The following KEL variants were observed in gnomAD, a reference collection of about 807,000 sequenced individuals.
KEL encodes Kell metallo-endopeptidase (Kell blood group).
KEL carries 96 observed loss-of-function variants against 99.5 expected under a neutral mutation model. The observed-to-expected ratio is 0.97, with a 90% CI of 0.82 to 1.14. The LOEUF (loss-of-function observed/expected upper bound fraction) is 1.14, where lower values mean the gene tolerates loss of function less well. KEL is among the 50% of genes most tolerant of loss of function. The pLI is 0.00. For synonymous variants in KEL, 355 were observed against 354.8 expected, an observed-to-expected ratio of 1.00 and a Z score of -0.01; for missense variants, 926 against 924.2, an observed-to-expected ratio of 1.00 and a Z score of -0.03.
chr7:142,954,072 T>A, intron 8 of KEL, 112 bp downstream of exon 8: 1 of 1,414,582 alleles, frequency 7.1e-7, no homozygotes, highest in Non-Finnish European at 9.9e-7. Flanking sequence ...GGGGATGGAG[T>A]CAGAGACAGA....
chr7:142,962,212 T>G lies in KEL; in HGVS notation c.-6A>C. 1 of 1,614,162 alleles carries G rather than the reference T, an allele frequency of 6.2e-7. No homozygotes were observed. Among genetic ancestry groups the G allele is most frequent in the Non-Finnish European group, 8.5e-7 (1 of 1,180,014 alleles). On this transcript the variant is annotated 5_prime_UTR_variant, in exon 1 of 19. Coordinates refer to ENST00000355265, the MANE Select transcript of KEL (RefSeq NM_000420.3). ...TCCAAAAGGGGACTTACCATCTGTC[T>G]ATCTTCTGTGGCTCCAGAATCCTTC...
In KEL at chr7:142,943,890, A is replaced by T. The variant is rs752477185; in HGVS notation, c.1492-7T>A. On this transcript the variant is annotated splice_polypyrimidine_tract_variant and splice_region_variant and intron_variant, in intron 13 of 18. Coordinates refer to ENST00000355265, the MANE Select transcript of KEL (RefSeq NM_000420.3). ...AGCTCGATCCAAGCTGTATCTGGGG[A>T]AGAGGCAGGAGGTGACTTGGGCACA... 4.3e-6 allele frequency: 7 copies of T among 1,612,652 alleles called. No individual in the cohort carries two copies. In the Admixed American group the frequency reaches 1.0e-4, roughly 23 times the overall value.
chr7:142,944,529 A>G (rs953891658), intron 12 of KEL, 114 bp downstream of exon 12: 12 of 1,181,786 alleles, frequency 1.0e-5, no homozygotes, highest in East Asian at 2.3e-5. Flanking sequence ...TGGCTTCCCT[A>G]CTTAGCATGT....
intron 17 of KEL, 100 bp from the exon 18 acceptor site, chr7:142,942,629 G>A: frequency 1.1e-6 from 1 of 940,960 alleles, no homozygotes; most frequent in Non-Finnish European, 1.7e-6. Context: ...CTTGCTCACT[G>A]GTTCTGCACT....
chr7:142,952,895 A>G (rs1207327017), intron 9 of KEL, among the ~76,000 whole-genome samples: 1 of 152,196 alleles, frequency 6.6e-6, no homozygotes, highest in Non-Finnish European at 1.5e-5. Flanking sequence ...TCTGGGCTAG[A>G]TGGAGTCTGG....
chr7:142,954,423 C>T (rs1434996751), intron 7 of KEL, 42 bp downstream of exon 7: 3 of 1,612,366 alleles, frequency 1.9e-6, no homozygotes, highest in African/African-American at 2.7e-5. Flanking sequence ...TGCTTTTCTC[C>T]TGGCCTCAGA....
intron 10 of KEL, among the ~76,000 whole-genome samples, chr7:142,948,580 T>C (rs1209158016): frequency 2.6e-5 from 4 of 152,180 alleles, no homozygotes; most frequent in African/African-American, 9.7e-5. Context: ...GTGGAACGAA[T>C]CATTAAACAG....
At chr7:142,954,054 C>A in intron 8 of KEL, 98 bp from the exon 9 acceptor site, 2 of 1,458,418 alleles carry the variant, frequency 1.4e-6, no homozygotes, top group Non-Finnish European at 1.9e-6. Context: ...AACAGGCTAA[C>A]TGGGGGAGGG....
rs974853667 is a variant in KEL at position 142,961,880 on chromosome 7, G to C, written c.4-8C>G. On this transcript the variant is annotated splice_region_variant and splice_polypyrimidine_tract_variant and intron_variant, in intron 1 of 18. Coordinates refer to ENST00000355265, the MANE Select transcript of KEL (RefSeq NM_000420.3). Reference sequence around the variant, plus strand: ...ACTTTGGTCCCCACCTTCCTGAAGTGAGTGGAGGGAGAAGGAGGAGAGAGA... The same window carrying C: ...ACTTTGGTCCCCACCTTCCTGAAGTCAGTGGAGGGAGAAGGAGGAGAGAGA... The C allele has an allele frequency of 6.2e-7, 1 of 1,613,610 alleles. No homozygotes were observed. The highest frequency in any genetic ancestry group is 2.2e-5 in the East Asian group (1 of 44,882).
chr7:142,961,690 T>C (rs551118462), intron 2 of KEL, 105 bp downstream of exon 2: 1 of 1,284,360 alleles, frequency 7.8e-7, no homozygotes, highest in East Asian at 2.3e-5. Flanking sequence ...TCAACTGTTT[T>C]GGGTGAGGAT....
chr7:142,942,135 T>G, intron 18 of KEL: 4 of 469,948 alleles, frequency 8.5e-6, no homozygotes, highest in East Asian at 3.8e-5. Flanking sequence ...GGCATCTGTA[T>G]TTTGGGGGTA....
chr7:142,952,132 G>A (rs889504000), intron 10 of KEL, among the ~76,000 whole-genome samples: 32 of 152,224 alleles, frequency 2.1e-4, no homozygotes, highest in African/African-American at 6.5e-4. Context: ...AGGCCACTGC[G>A]TAACATATCT....
Position 142,942,881 on chromosome 7 carries a change from C to T in KEL, c.1935G>A (p.Ala645=), listed in dbSNP as rs766053821. 25 of 1,614,140 alleles carry T rather than the reference C, an allele frequency of 1.5e-5. No individual in the cohort carries two copies. The highest frequency in any genetic ancestry group is 6.6e-5 in the South Asian group (6 of 91,080). ...NAADVGGLAI[A]LQAYSKRLLR... is the part of the protein sequence containing the mutation. Reference sequence around the variant, plus strand: ...GCCCTTGACACTTGCATACCTGCAGCGCGATGGCTAGCCCCCCAACGTCTG... The same window carrying T: ...GCCCTTGACACTTGCATACCTGCAGTGCGATGGCTAGCCCCCCAACGTCTG... The change falls in exon 17 of 19, where the codon GCG becomes GCA. Residue 645 remains alanine (A), a synonymous_variant. Transcript: ENST00000355265.
chr7:142,954,574 A>G, intron 6 of KEL, 47 bp from the exon 7 acceptor site: 1 of 1,561,622 alleles, frequency 6.4e-7, no homozygotes, highest in Non-Finnish European at 8.8e-7. Flanking sequence ...TGGCGGATGG[A>G]GAGGGCAGGT....
intron 15 of KEL, 44 bp downstream of exon 15, chr7:142,943,442 C>T (rs1210602298): frequency 6.2e-7 from 1 of 1,605,446 alleles, no homozygotes; most frequent in Non-Finnish European, 8.5e-7. Flanking sequence ...CCTGTCGGCC[C>T]CTCTTGGGAA....
chr7:142,942,152 G>GA (rs1003263473), intron 18 of KEL: 12 of 520,018 alleles, frequency 2.3e-5, no homozygotes, highest in Middle Eastern at 5.1e-4. Context: ...GGTATGAGAG[G>GA]AAAAAAAAGT....
At position 142,941,327 on chromosome 7, in the gene KEL, G is replaced by T; in HGVS notation, c.2124C>A (p.Thr708=). Residue 708 remains threonine, a synonymous_variant, in exon 19 of 19, where the codon ACC becomes ACA. Transcript: ENST00000355265. ...AGCGGAAATACCTGGCAAAGGCTGG[G>T]GTGCTGCTGAGGGGCCCGTGGACTC... ...HLRVHGPLSS[T]PAFARYFRCA... 1 of 1,614,044 alleles carries T rather than the reference G, an allele frequency of 6.2e-7. No individual in the cohort carries two copies. The highest frequency in any genetic ancestry group is 8.5e-7 in the Non-Finnish European group (1 of 1,179,974).
chr7:142,943,739 G>T (rs1181111496), intron 14 of KEL, 44 bp downstream of exon 14: 1 of 1,558,852 alleles, frequency 6.4e-7, no homozygotes, highest in Non-Finnish European at 8.8e-7. Context: ...ATCATGGATG[G>T]GTCTCTCTGG....
chr7:142,942,819 G>A (rs1394909371), intron 17 of KEL, 56 bp downstream of exon 17: 1 of 1,589,354 alleles, frequency 6.3e-7, no homozygotes, highest in South Asian at 1.1e-5. Flanking sequence ...AAAACTTGAG[G>A]ACATGTTTTC....
Sources: gnomAD v4.1 joint callset for allele counts (sites outside exome capture counted in the v4.1 genomes callset) on GRCh38, gnomAD v4.1.1 for gene constraint, MANE v1.5 for transcripts, NCBI Gene and HGNC (gene_info 2026-07-23, HGNC 2026-07-21) for gene names.